Variants in DCLK1 observed in about 807,000 individuals in gnomAD.
The protein encoded by DCLK1 is doublecortin like kinase 1, also known as serine/threonine-protein kinase DCLK1.
A neutral mutation model predicts 86.2 loss-of-function variants in DCLK1; 16 were observed. The observed-to-expected ratio is 0.19, with a 90% CI of 0.13 to 0.28. DCLK1 has a LOEUF of 0.28. Ranked by LOEUF, DCLK1 falls within the 10% of genes least tolerant of loss-of-function variation. DCLK1 has a pLI of 1.00. For missense variants in DCLK1, 590 were observed against 940.2 expected (o/e 0.63, Z 4.87); for synonymous variants, 369 against 370.5 (o/e 1.00, Z 0.05).
chr13:35,860,604 C>A (rs1406793839), intron 5 of DCLK1, among the ~76,000 whole-genome samples: 8 of 152,144 alleles, frequency 5.3e-5, no homozygotes, highest in African/African-American at 1.9e-4. Context: ...TAAATACTTA[C>A]AAAGGCTCCA....
chr13:35,816,042 C>T (rs1490181753), intron 11 of DCLK1, among the ~76,000 whole-genome samples: 1 of 152,112 alleles, frequency 6.6e-6, no homozygotes, highest in Admixed American at 6.5e-5. Flanking sequence ...TTAAAATAGT[C>T]ATGAAACTAT....
intron 4 of DCLK1, among the ~76,000 whole-genome samples, chr13:35,917,088 T>A (rs1442125498): frequency 6.6e-6 from 1 of 152,152 alleles, no homozygotes; most frequent in East Asian, 1.9e-4. Flanking sequence ...ACTTAACTCA[T>A]ACCCTTTTTG....
intron 3 of DCLK1, among the ~76,000 whole-genome samples, chr13:35,949,107 G>T (rs911804363): frequency 2.0e-5 from 3 of 152,172 alleles, no homozygotes; most frequent in African/African-American, 7.2e-5. Flanking sequence ...AAGAAGTCAT[G>T]ATCTCCACCC....
intron 11 of DCLK1, among the ~76,000 whole-genome samples, chr13:35,817,568 T>C (rs917255033): frequency 2.6e-5 from 4 of 152,158 alleles, no homozygotes; most frequent in Non-Finnish European, 5.9e-5. Context: ...TGCTGTCATA[T>C]ACAGTACAAG....
At chr13:35,808,648 C>T (rs906103816) in intron 13 of DCLK1, among the ~76,000 whole-genome samples, 1 of 151,946 alleles carries the variant, frequency 6.6e-6, no homozygotes, top group Non-Finnish European at 1.5e-5. Context: ...ACTGGTGTGG[C>T]GGCGCACGCC....
intron 5 of DCLK1, among the ~76,000 whole-genome samples, chr13:35,860,706 A>T (rs1162922323): frequency 1.3e-5 from 2 of 152,208 alleles, no homozygotes; most frequent in Non-Finnish European, 2.9e-5. Context: ...ACTCACAGTC[A>T]CTGTAGAATG....
At chr13:36,006,792 G>C (rs1880984882) in intron 3 of DCLK1, among the ~76,000 whole-genome samples, 1 of 152,204 alleles carries the variant, frequency 6.6e-6, no homozygotes, top group South Asian at 2.1e-4. Context: ...GCAAAAGCTA[G>C]CTGACCCCAG....
At chr13:36,116,926 G>T (rs760466423) in intron 2 of DCLK1, among the ~76,000 whole-genome samples, 1 of 152,170 alleles carries the variant, frequency 6.6e-6, no homozygotes, top group African/African-American at 2.4e-5. Context: ...ACTCAGATAC[G>T]CACAGCAACA....
chr13:35,909,873 G>A (rs1361200824), intron 4 of DCLK1, among the ~76,000 whole-genome samples: 1 of 151,928 alleles, frequency 6.6e-6, no homozygotes, highest in Non-Finnish European at 1.5e-5. Flanking sequence ...CCCTGGGCAT[G>A]AGACTTTGCC....
rs369339132 is a variant in DCLK1 at position 35,800,073 on chromosome 13, C to T, written c.1944+5626G>A. 5.6e-3 allele frequency among the ~76,000 whole-genome samples: 848 copies of T among 152,292 alleles called. 11 individuals are homozygous for T. Among genetic ancestry groups the T allele is most frequent in the South Asian group, 0.018 (85 of 4,832 alleles). On this transcript the variant is annotated intron_variant, in intron 15 of 16. Coordinates refer to ENST00000360631, the MANE Select transcript of DCLK1 (RefSeq NM_001330071.2). ...ATTATCTATCTGGATCTGTGACACA[C>T]AAACAGGATCATGTTGGGGGATGAC...
intron 5 of DCLK1, among the ~76,000 whole-genome samples, chr13:35,860,543 G>C (rs1306893373): frequency 6.6e-6 from 1 of 152,074 alleles, no homozygotes; most frequent in Non-Finnish European, 1.5e-5. Context: ...GGGGCCCCAG[G>C]AACAGAGGAG....
At chr13:36,022,595 G>A (rs531710653) in intron 3 of DCLK1, among the ~76,000 whole-genome samples, 1 of 152,000 alleles carries the variant, frequency 6.6e-6, no homozygotes, top group Non-Finnish European at 1.5e-5. Flanking sequence ...CATCACTTTT[G>A]ACCTTGCAGA....
At chr13:35,774,875 T>C (rs989968191) in intron 16 of DCLK1, among the ~76,000 whole-genome samples, 176 bp from the exon 17 acceptor site, 3 of 152,100 alleles carry the variant, frequency 2.0e-5, no homozygotes, top group African/African-American at 7.2e-5. Context: ...TCCCCACAAA[T>C]CCAGGTCTTT....
intron 3 of DCLK1, among the ~76,000 whole-genome samples, chr13:36,058,775 G>C (rs755619569): frequency 1.1e-4 from 17 of 152,160 alleles, no homozygotes; most frequent in Admixed American, 3.3e-4. Context: ...ATTTGATTTT[G>C]CTTATGTTGA....
chr13:35,983,675 G>T (rs899587747), intron 3 of DCLK1, among the ~76,000 whole-genome samples: 5 of 152,194 alleles, frequency 3.3e-5, no homozygotes, highest in African/African-American at 1.2e-4. Flanking sequence ...TCTCCATGAT[G>T]TAATCACTTC....
At chr13:35,948,719 A>C (rs1176952337) in intron 3 of DCLK1, among the ~76,000 whole-genome samples, 1 of 152,198 alleles carries the variant, frequency 6.6e-6, no homozygotes, top group African/African-American at 2.4e-5. Flanking sequence ...AGAGTTTGAT[A>C]ATCAACATTA....
intron 3 of DCLK1, among the ~76,000 whole-genome samples, chr13:35,953,923 T>C (rs1218993641): frequency 6.6e-6 from 1 of 152,192 alleles, no homozygotes; most frequent in Non-Finnish European, 1.5e-5. Flanking sequence ...CTTTATCAGG[T>C]GTTTTCCATT....
At chr13:35,879,356 A>G (rs1484245494) in intron 4 of DCLK1, among the ~76,000 whole-genome samples, 1 of 152,218 alleles carries the variant, frequency 6.6e-6, no homozygotes, top group Non-Finnish European at 1.5e-5. Context: ...TGCTGGGAGC[A>G]GAAACCTTAT....
chr13:35,822,664 A>T, intron 11 of DCLK1, 65 bp downstream of exon 11: 1 of 1,569,114 alleles, frequency 6.4e-7, no homozygotes, highest in Non-Finnish European at 8.7e-7. Context: ...AAGAAAAAAG[A>T]AATATTCATA....
Sources: allele counts gnomAD v4.1 joint callset (sites outside exome capture counted in the v4.1 genomes callset), GRCh38; gene constraint gnomAD v4.1.1; transcripts MANE v1.5; gene names NCBI Gene and HGNC (gene_info 2026-07-23, HGNC 2026-07-21).